RBFOX1: variants seen among roughly 807,000 people sequenced by gnomAD.
RBFOX1 encodes RNA binding protein fox-1 homolog 1.
Under a neutral mutation model 57.7 loss-of-function variants are expected in RBFOX1, and 8 were observed. The observed-to-expected ratio is 0.14, with a 90% CI of 0.08 to 0.25. The LOEUF (loss-of-function observed/expected upper bound fraction) is 0.25, where lower values mean the gene tolerates loss of function less well. Among genes scored for constraint, RBFOX1 ranks in the 10% least tolerant of loss-of-function variants. The probability of loss-of-function intolerance (pLI) is 1.00; values close to 1 mark genes in which losing one functional copy is unlikely to be tolerated. For synonymous variants in RBFOX1, 326 were observed against 222.4 expected (o/e 1.47, Z -4.15); for missense variants, 611 against 548.5 (o/e 1.11, Z -1.14).
chr16:5,333,130 G>T (rs896447024), intron 1 of RBFOX1, among the ~76,000 whole-genome samples: 1 of 152,184 alleles, frequency 6.6e-6, no homozygotes, highest in African/African-American at 2.4e-5. Context: ...GGAGGTTGCA[G>T]TGAGCCGAGA....
At chr16:5,757,513 A>T (rs1003541243) in intron 3 of RBFOX1, among the ~76,000 whole-genome samples, 1 of 152,062 alleles carries the variant, frequency 6.6e-6, no homozygotes, top group African/African-American at 2.4e-5. Flanking sequence ...TACAGGCATG[A>T]GTCACCACAC....
intron 3 of RBFOX1, among the ~76,000 whole-genome samples, chr16:6,920,315 G>A (rs779883863): frequency 7.9e-5 from 12 of 152,094 alleles, no homozygotes; most frequent in Admixed American, 3.3e-4. Flanking sequence ...TGGATCAAAC[G>A]GTAGTTCTGC....
intron 3 of RBFOX1, among the ~76,000 whole-genome samples, chr16:6,967,658 T>G (rs570073119): frequency 6.6e-6 from 1 of 152,098 alleles, no homozygotes; most frequent in African/African-American, 2.4e-5. Context: ...GTTCAGTAAT[T>G]ATATTGCTCT....
intron 4 of RBFOX1, among the ~76,000 whole-genome samples, chr16:7,516,647 G>C (rs144224115): frequency 3.3e-5 from 5 of 152,324 alleles, no homozygotes; most frequent in African/African-American, 1.2e-4. Context: ...GTGCCCTTTT[G>C]TTTCCAGTGG....
rs184137145 is a variant in RBFOX1 at position 7,159,079 on chromosome 16, A to G, written c.27+106981A>G. Among the ~76,000 whole-genome samples, 65 of 151,598 alleles carry G rather than the reference A, an allele frequency of 4.3e-4. 1 individual carries two copies. Among genetic ancestry groups the G allele is most frequent in the East Asian group, 9.7e-4 (5 of 5,146 alleles). ...ACCTGTTCTTCACTTCTGAAGTTCTATCATATCAAGAATATTATATAAATG... is the reference window on the plus strand; with the variant it reads ...ACCTGTTCTTCACTTCTGAAGTTCTGTCATATCAAGAATATTATATAAATG... On this transcript the variant is annotated intron_variant, in intron 4 of 15. Transcript: ENST00000550418.
chr16:5,529,463 C>G (rs1003395310), intron 2 of RBFOX1, among the ~76,000 whole-genome samples: 2 of 148,436 alleles, frequency 1.3e-5, no homozygotes, highest in East Asian at 2.0e-4. Context: ...GTGGCATGAT[C>G]TCAGCTCACT....
intron 4 of RBFOX1, among the ~76,000 whole-genome samples, chr16:7,330,295 A>G (rs1183757290): frequency 6.6e-6 from 1 of 151,730 alleles, no homozygotes; most frequent in Non-Finnish European, 1.5e-5. Flanking sequence ...GCCTAATACA[A>G]TGTAAATGCT....
chr16:5,968,189 T>C (rs908518914), intron 4 of RBFOX1, among the ~76,000 whole-genome samples: 1 of 152,098 alleles, frequency 6.6e-6, no homozygotes, highest in Non-Finnish European at 1.5e-5. Context: ...ATTCTGCTGT[T>C]TCAGCCTCCC....
intron 3 of RBFOX1, chr16:7,004,089 T>C (rs1201903564): frequency 6.6e-6 from 1 of 151,924 alleles, no homozygotes; most frequent in Non-Finnish European, 1.5e-5. Flanking sequence ...CTAGTTTTAG[T>C]ATATGTGTTG....
At chr16:5,518,480 A>G (rs966528411) in intron 2 of RBFOX1, among the ~76,000 whole-genome samples, 2 of 152,238 alleles carry the variant, frequency 1.3e-5, no homozygotes, top group Non-Finnish European at 2.9e-5. Flanking sequence ...ATACAACCAT[A>G]TGTGCTCAAG....
chr16:7,435,320 A>G lies in RBFOX1; in HGVS notation c.28-82827A>G, dbSNP rs74012580. On this transcript the variant is annotated intron_variant, in intron 4 of 15. Coordinates refer to ENST00000550418, the MANE Select transcript of RBFOX1 (RefSeq NM_018723.4). ...TTTGTCTGATGGTGAGACTGGAGTT[A>G]TGGGTTACGGAGAGGAAGACCACAG... Among the ~76,000 whole-genome samples, 1,348 of 152,058 alleles carry G rather than the reference A, an allele frequency of 8.9e-3. 17 individuals carry two copies. Among genetic ancestry groups the G allele is most frequent in the African/African-American group, 0.029 (1,187 of 41,482 alleles).
chr16:6,887,977 T>C (rs1047070036), intron 3 of RBFOX1, among the ~76,000 whole-genome samples: 10 of 152,252 alleles, frequency 6.6e-5, no homozygotes, highest in African/African-American at 2.4e-4. Context: ...TCATCATTTT[T>C]ATTACTGCAT....
chr16:7,239,557 T>A (rs1185473819), intron 4 of RBFOX1, among the ~76,000 whole-genome samples: 1 of 152,122 alleles, frequency 6.6e-6, no homozygotes, highest in Non-Finnish European at 1.5e-5. Flanking sequence ...CAAGTGAAAT[T>A]GTCCTGTCAA....
chr16:5,243,035 G>A (rs532781714), intron 1 of RBFOX1, among the ~76,000 whole-genome samples: 198 of 151,568 alleles, frequency 1.3e-3, no homozygotes, highest in African/African-American at 4.6e-3. Context: ...GCCAATATCA[G>A]AAGTTTCACT....
At chr16:5,625,667 C>T (rs945362344) in intron 3 of RBFOX1, among the ~76,000 whole-genome samples, 2 of 151,812 alleles carry the variant, frequency 1.3e-5, no homozygotes, top group African/African-American at 4.8e-5. Flanking sequence ...AAGTGATTCT[C>T]CTTCCTCAGC....
At chr16:5,644,749 C>T (rs976192009) in intron 3 of RBFOX1, among the ~76,000 whole-genome samples, 5 of 152,154 alleles carry the variant, frequency 3.3e-5, no homozygotes, top group Non-Finnish European at 4.4e-5. Context: ...AATAATACTC[C>T]GTTGTATGAA....
intron 3 of RBFOX1, among the ~76,000 whole-genome samples, chr16:5,610,048 T>C (rs2047719663): frequency 6.6e-6 from 1 of 152,226 alleles, no homozygotes; most frequent in Admixed American, 6.5e-5. Context: ...CACACAACAC[T>C]GAGCACCACC....
At chr16:7,190,925 CT>C (rs989375807) in intron 4 of RBFOX1, among the ~76,000 whole-genome samples, 35 of 149,464 alleles carry the variant, frequency 2.3e-4, no homozygotes, top group South Asian at 1.3e-3. Flanking sequence ...TTACAAAGAC[CT>C]TTTTTTTTTC....
intron 3 of RBFOX1, among the ~76,000 whole-genome samples, chr16:6,656,976 CCCTTT>C (rs2098661020): frequency 1.0e-5 from 1 of 98,172 alleles, no homozygotes; most frequent in Non-Finnish European, 1.9e-5. Flanking sequence ...TCCTCTCCTC[CCCTTT>C]CCTCTCCTCT....
Sources: gnomAD v4.1 joint callset for allele counts (sites outside exome capture counted in the v4.1 genomes callset) on GRCh38, gnomAD v4.1.1 for gene constraint, MANE v1.5 for transcripts, NCBI Gene and HGNC (gene_info 2026-07-23, HGNC 2026-07-21) for gene names.